Variants in CFTR observed in about 807,000 individuals in gnomAD.
CFTR encodes cystic fibrosis transmembrane conductance regulator.
In CFTR, 181 loss-of-function variants were observed where a neutral mutation model predicts 171.6. The ratio of observed to expected loss-of-function variants is 1.05; its 90% CI spans 0.93 to 1.19. The LOEUF is 1.19. Among genes scored for constraint, CFTR ranks in the 50% most tolerant of loss-of-function variants. CFTR has a pLI of 0.00. For synonymous variants in CFTR, 583 were observed against 608.0 expected, an observed-to-expected ratio of 0.96 and a Z score of 0.60; for missense variants, 1,968 against 1,734.7, an observed-to-expected ratio of 1.13 and a Z score of -2.39.
chr7:117,648,362 A>G (rs1012963332), intron 23 of CFTR, among the ~76,000 whole-genome samples: 9 of 152,058 alleles, frequency 5.9e-5, no homozygotes, highest in African/African-American at 2.2e-4. Flanking sequence ...ATACATGAGC[A>G]ACCCTGAGAA....
intron 11 of CFTR, among the ~76,000 whole-genome samples, chr7:117,584,930 GTTTGTTTTGTTTTGT>G (rs144876830): frequency 1.4e-5 from 2 of 141,718 alleles, no homozygotes; most frequent in Non-Finnish European, 3.2e-5. Flanking sequence ...TTTTTTTTTT[GTTTGTTTTGTTTTGT>G]TTTGTTTTGT....
At chr7:117,651,169 G>C (rs1264528355) in intron 23 of CFTR, among the ~76,000 whole-genome samples, 4 of 152,136 alleles carry the variant, frequency 2.6e-5, no homozygotes, top group African/African-American at 9.7e-5. Flanking sequence ...CCACCCTTTT[G>C]GAGGAGATAA....
At chr7:117,559,029 C>T (rs1192500981) in intron 10 of CFTR, among the ~76,000 whole-genome samples, 1 of 152,194 alleles carries the variant, frequency 6.6e-6, no homozygotes, top group East Asian at 1.9e-4. Flanking sequence ...GTCTCTATTA[C>T]TTAATCTGTA....
At chr7:117,556,063 TTATTAA>T (rs747858137) in intron 10 of CFTR, among the ~76,000 whole-genome samples, 80 of 152,312 alleles carry the variant, frequency 5.3e-4, no homozygotes, top group Non-Finnish European at 9.4e-4. Flanking sequence ...TAAGATTTTG[TTATTAA>T]TATTACTATT....
intron 22 of CFTR, 33 bp downstream of exon 22, chr7:117,627,803 T>C (rs978205154): frequency 1.9e-6 from 3 of 1,603,374 alleles, no homozygotes; most frequent in Admixed American, 3.3e-5. Context: ...TTTGTTAGAC[T>C]GTGTTCAGTA....
At position 117,540,174 on chromosome 7, in the gene CFTR, T is replaced by C. The variant is rs760319837; in HGVS notation, c.944T>C (p.Phe315Ser). 47 of 1,613,980 alleles carry C rather than the reference T, an allele frequency of 2.9e-5. No individual in the cohort carries two copies. In the Admixed American group the frequency reaches 7.8e-4, roughly 27 times the overall value. Residue 315 changes from phenylalanine (F) to serine (S), a missense_variant, in exon 8 of 27, where the codon TTC becomes TCC. Phe to Ser is a radical substitution (Grantham distance 155, BLOSUM62 -2). Transcript: ENST00000003084. ...FNSSAFFFSG[F>S]FVVFLSVLPY... ...AGCTCAGCCTTCTTCTTCTCAGGGT[T>C]CTTTGTGGTGTTTTTATCTGTGCTT...
At chr7:117,601,206 G>A (rs1792219302) in intron 15 of CFTR, among the ~76,000 whole-genome samples, 1 of 151,954 alleles carries the variant, frequency 6.6e-6, no homozygotes, top group Non-Finnish European at 1.5e-5. Context: ...CCCTTATCTA[G>A]GATCCTGAGT....
Position 117,652,813 on chromosome 7 carries a change from C to CT in CFTR, c.3874-26dup, listed in dbSNP as rs1554396371. On this transcript the variant is annotated intron_variant, in intron 23 of 26. Transcript: ENST00000003084. ...TAAAAAGTTATTTAAGTTATTCATA[C>CT]TTTCTTCTTCTTTTCTTTTTTGCTA... 1.8e-6 allele frequency: 2 copies of CT among 1,093,328 alleles called. No individual in the cohort carries two copies. The highest frequency in any genetic ancestry group is 2.8e-6 in the Non-Finnish European group (2 of 714,974). 67.7% of individuals were successfully genotyped at this position (1,093,328 alleles called of 1,614,324 possible).
At chr7:117,553,195 T>C (rs1562896486) in intron 10 of CFTR, among the ~76,000 whole-genome samples, 1 of 151,444 alleles carries the variant, frequency 6.6e-6, no homozygotes, top group African/African-American at 2.4e-5. Context: ...ACACAGTTCA[T>C]GGTATTTTGT....
chr7:117,505,283 A>T lies in CFTR; in HGVS notation c.164+920A>T, dbSNP rs552850605. On this transcript the variant is annotated intron_variant, in intron 2 of 26. Transcript: ENST00000003084. ...TAGTCCCCCCCATAAAGAATCTCTCAGTTTCCTTTCCAATCAAAAGGTTAG... is the reference window on the plus strand; with the variant it reads ...TAGTCCCCCCCATAAAGAATCTCTCTGTTTCCTTTCCAATCAAAAGGTTAG... Among the ~76,000 whole-genome samples the T allele has an allele frequency of 3.9e-5, 6 of 152,276 alleles. No homozygotes were observed. In the South Asian group the frequency reaches 1.2e-3, roughly 32 times the overall value.
intron 21 of CFTR, among the ~76,000 whole-genome samples, chr7:117,624,920 T>G (rs1443248121): frequency 6.6e-6 from 1 of 152,326 alleles, no homozygotes; most frequent in Non-Finnish European, 1.5e-5. Context: ...TCTGCTCTGG[T>G]TCTGATGTGG....
Position 117,529,053 on chromosome 7 carries a change from A to G in CFTR, c.274-1846A>G, listed in dbSNP as rs1484668816. On this transcript the variant is annotated intron_variant, in intron 3 of 26. Coordinates refer to ENST00000003084, the MANE Select transcript of CFTR (RefSeq NM_000492.4). ...AGGACTATAAATCATGCTGCTATAA[A>G]GACACATGCACACGTATGTTTATTG... is the stretch of plus-strand genomic sequence containing the variant. Among the ~76,000 whole-genome samples the G allele has an allele frequency of 3.8e-4, 19 of 49,798 alleles. 3 individuals carry two copies. Among genetic ancestry groups the G allele is most frequent in the Non-Finnish European group, 5.8e-4 (19 of 32,928 alleles). 32.7% of individuals were successfully genotyped at this position (49,798 alleles called of 152,430 possible).
intron 23 of CFTR, among the ~76,000 whole-genome samples, chr7:117,646,654 C>A (rs1015470166): frequency 1.3e-5 from 2 of 152,044 alleles, no homozygotes; most frequent in African/African-American, 4.8e-5. Flanking sequence ...ACTGCTGCTG[C>A]TGATGGCATG....
At chr7:117,490,082 A>C (rs1426042322) in intron 1 of CFTR, among the ~76,000 whole-genome samples, 1 of 151,912 alleles carries the variant, frequency 6.6e-6, no homozygotes, top group East Asian at 1.9e-4. Flanking sequence ...ATATGATGGA[A>C]GAAGCATGTA....
intron 18 of CFTR, among the ~76,000 whole-genome samples, chr7:117,609,359 T>G (rs1418471334): frequency 6.6e-6 from 1 of 152,198 alleles, no homozygotes; most frequent in African/African-American, 2.4e-5. Flanking sequence ...GTTCTAAAGT[T>G]ATATCAGTTG....
chr7:117,606,422 G>C (rs1458253077), intron 17 of CFTR, among the ~76,000 whole-genome samples: 4 of 152,134 alleles, frequency 2.6e-5, no homozygotes, highest in Non-Finnish European at 5.9e-5. Context: ...CAGAGAAATT[G>C]GTCGTTACTT....
At chr7:117,613,066 G>T (rs1272069651) in intron 20 of CFTR, among the ~76,000 whole-genome samples, 1 of 152,146 alleles carries the variant, frequency 6.6e-6, no homozygotes, top group Admixed American at 6.6e-5. Flanking sequence ...AGCTAGGGCA[G>T]TGGGAAATGA....
intron 7 of CFTR, among the ~76,000 whole-genome samples, chr7:117,539,659 T>G (rs1362914441): frequency 6.6e-6 from 1 of 151,950 alleles, no homozygotes; most frequent in Non-Finnish European, 1.5e-5. Context: ...ATTGTCTTTT[T>G]CCTTTATAAA....
At chr7:117,509,291 T>A in intron 3 of CFTR, 149 bp downstream of exon 3, 1 of 643,984 alleles carries the variant, frequency 1.6e-6, no homozygotes. Flanking sequence ...AAAACTCTAG[T>A]AAGGATAAGT....
Sources: allele counts gnomAD v4.1 joint callset (sites outside exome capture counted in the v4.1 genomes callset), GRCh38; gene constraint gnomAD v4.1.1; transcripts MANE v1.5; gene names NCBI Gene and HGNC (gene_info 2026-07-23, HGNC 2026-07-21).